The following MTHFD1L variants were observed in gnomAD, a reference collection of about 807,000 sequenced individuals.
MTHFD1L encodes methylenetetrahydrofolate dehydrogenase (NADP+ dependent) 1 like, also known as monofunctional C1-tetrahydrofolate synthase, mitochondrial.
In MTHFD1L, 81 loss-of-function variants were observed where a neutral mutation model predicts 119.5. The observed-to-expected ratio is 0.68, with a 90% CI of 0.57 to 0.82. The LOEUF is 0.82. MTHFD1L is among the 40% of genes least tolerant of loss of function. MTHFD1L has a pLI of 0.00. For synonymous variants in MTHFD1L, 430 were observed against 475.2 expected (o/e 0.90, Z 1.24); for missense variants, 1,125 against 1,253.4 (o/e 0.90, Z 1.55).
rs1019512871 is a variant in MTHFD1L at position 151,036,884 on chromosome 6, G to A, written c.2695-81G>A. On this transcript the variant is annotated intron_variant, in intron 25 of 27. Transcript: ENST00000367321. ...TCTGAGCCGGCATACCATTGCTGCC[G>A]AGACTGTATAAAGTGCAAATTGAAA... 12 of 1,490,920 alleles carry A rather than the reference G, an allele frequency of 8.0e-6. 1 individual carries two copies. Among genetic ancestry groups the A allele is most frequent in the Middle Eastern group, 4.7e-4 (2 of 4,238 alleles). The allele number at this position is 1,490,920 out of a possible 1,614,324, so 92.4% of individuals were successfully genotyped here. A position where few individuals can be genotyped will look rare whatever the true frequency, so the allele number is the denominator to read the frequency against.
chr6:150,867,591 AT>A lies in MTHFD1L; in HGVS notation c.227+1544del, dbSNP rs547621694. Among the ~76,000 whole-genome samples, 88 of 152,230 alleles carry A rather than the reference AT, an allele frequency of 5.8e-4. 1 individual carries two copies. Among genetic ancestry groups the A allele is most frequent in the African/African-American group, 2.0e-3 (85 of 41,538 alleles). The stretch of plus-strand genomic sequence containing the variant: ...GCTGTTTTATTTTCTAGGTAAACTG[AT>A]TATTACCTGAAACTTCCTTCTTTGC... On this transcript the variant is annotated intron_variant, in intron 1 of 27. Transcript: ENST00000367321.
intron 1 of MTHFD1L, among the ~76,000 whole-genome samples, chr6:150,875,322 T>A (rs1325343317): frequency 2.0e-5 from 3 of 152,142 alleles, no homozygotes; most frequent in Non-Finnish European, 4.4e-5. Context: ...GTGCTGGGAC[T>A]ACAGGTGCAT....
intron 24 of MTHFD1L, among the ~76,000 whole-genome samples, chr6:151,021,001 C>G (rs1783868542): frequency 6.6e-6 from 1 of 152,132 alleles, no homozygotes; most frequent in South Asian, 2.1e-4. Context: ...TGGACTTGTC[C>G]ATAAGAAATG....
At chr6:150,932,993 A>G (rs1329868276) in intron 11 of MTHFD1L, among the ~76,000 whole-genome samples, 1 of 152,114 alleles carries the variant, frequency 6.6e-6, no homozygotes, top group Non-Finnish European at 1.5e-5. Context: ...TACTGGGGGG[A>G]AAACTAAACC....
intron 24 of MTHFD1L, among the ~76,000 whole-genome samples, chr6:151,026,247 G>A (rs901459657): frequency 2.0e-5 from 3 of 152,188 alleles, no homozygotes; most frequent in Admixed American, 6.5e-5. Flanking sequence ...AAGCATGAAG[G>A]TCACCAAATC....
At chr6:150,883,811 G>A (rs528059805) in intron 5 of MTHFD1L, among the ~76,000 whole-genome samples, 1 of 152,258 alleles carries the variant, frequency 6.6e-6, no homozygotes, top group Admixed American at 6.5e-5. Context: ...GAAGTGTTTT[G>A]TACTGTGGCC....
chr6:151,019,736 C>T (rs1450836845), intron 24 of MTHFD1L, among the ~76,000 whole-genome samples: 1 of 152,214 alleles, frequency 6.6e-6, no homozygotes, highest in Non-Finnish European at 1.5e-5. Context: ...TTTGTACTGT[C>T]TGCCTGTTAG....
intron 20 of MTHFD1L, among the ~76,000 whole-genome samples, chr6:150,993,166 T>C (rs959161388): frequency 1.6e-4 from 24 of 152,216 alleles, no homozygotes; most frequent in Non-Finnish European, 1.2e-4. Flanking sequence ...TTGTTTTTAC[T>C]TTTCAGGGAC....
chr6:150,908,005 C>T (rs2093415310), intron 8 of MTHFD1L, among the ~76,000 whole-genome samples: 1 of 149,754 alleles, frequency 6.7e-6, no homozygotes, highest in Admixed American at 6.7e-5. Context: ...TCAGGTGATT[C>T]TCCTACCTCA....
intron 19 of MTHFD1L, among the ~76,000 whole-genome samples, chr6:150,969,409 T>C (rs1242526544): frequency 6.6e-6 from 1 of 151,554 alleles, no homozygotes; most frequent in African/African-American, 2.4e-5. Context: ...GGCAGGAGAA[T>C]AGCTTGAACC....
chr6:150,888,666 A>G (rs1782704701), intron 7 of MTHFD1L, among the ~76,000 whole-genome samples: 1 of 152,244 alleles, frequency 6.6e-6, no homozygotes, highest in Non-Finnish European at 1.5e-5. Flanking sequence ...TCTGATTCTG[A>G]AATCCAAATG....
intron 13 of MTHFD1L, among the ~76,000 whole-genome samples, chr6:150,943,261 C>T (rs1294267109): frequency 1.3e-5 from 2 of 151,640 alleles, no homozygotes; most frequent in South Asian, 2.1e-4. Flanking sequence ...GGTGAAAGAG[C>T]GAAACTCCGT....
chr6:151,101,177 T>A (rs547013473), intron 27 of MTHFD1L, among the ~76,000 whole-genome samples: 21 of 151,874 alleles, frequency 1.4e-4, no homozygotes, highest in Admixed American at 5.9e-4. Flanking sequence ...AAAAAAAAAT[T>A]TTTTTAAATC....
chr6:151,047,103 G>C (rs1482610553), intron 26 of MTHFD1L, among the ~76,000 whole-genome samples: 2 of 152,222 alleles, frequency 1.3e-5, no homozygotes, highest in African/African-American at 4.8e-5. Flanking sequence ...TCATTGATAG[G>C]TTCTTGGAAA....
intron 7 of MTHFD1L, among the ~76,000 whole-genome samples, chr6:150,903,705 A>C (rs1003104200): frequency 1.5e-4 from 23 of 152,198 alleles, no homozygotes; most frequent in African/African-American, 5.5e-4. Context: ...ATTACCCAGC[A>C]TGGCAGCATG....
At chr6:150,886,686 A>G (rs1277045822) in intron 6 of MTHFD1L, among the ~76,000 whole-genome samples, 1 of 151,954 alleles carries the variant, frequency 6.6e-6, no homozygotes, top group African/African-American at 2.4e-5. Context: ...GCTTTCTGAG[A>G]ACATAAAGAT....
chr6:150,988,833 T>G (rs540607046), intron 20 of MTHFD1L, among the ~76,000 whole-genome samples: 190 of 152,282 alleles, frequency 1.2e-3, no homozygotes, highest in Non-Finnish European at 3.2e-4. Flanking sequence ...CTCGAACTCC[T>G]GACCTCAGGT....
intron 26 of MTHFD1L, among the ~76,000 whole-genome samples, chr6:151,059,063 G>A (rs1412916342): frequency 3.9e-5 from 6 of 152,118 alleles, no homozygotes; most frequent in Non-Finnish European, 5.9e-5. Flanking sequence ...AGTGGTAAGC[G>A]CGCTGAAGGA....
At chr6:151,055,285 C>G (rs1245527733) in intron 26 of MTHFD1L, among the ~76,000 whole-genome samples, 1 of 151,776 alleles carries the variant, frequency 6.6e-6, no homozygotes, top group Non-Finnish European at 1.5e-5. Context: ...AAAAACTTAA[C>G]TAGAACATTT....
Sources: allele counts gnomAD v4.1 joint callset (sites outside exome capture counted in the v4.1 genomes callset), GRCh38; gene constraint gnomAD v4.1.1; transcripts MANE v1.5; gene names NCBI Gene and HGNC (gene_info 2026-07-23, HGNC 2026-07-21).